Variants in DMRT1 observed in about 807,000 individuals in gnomAD.
DMRT1 encodes the protein doublesex and mab-3 related transcription factor 1.
In DMRT1, 7 loss-of-function variants were observed where a neutral mutation model predicts 32.3. That is an observed-to-expected ratio of 0.22 (90% CI 0.12 to 0.41). The LOEUF (loss-of-function observed/expected upper bound fraction) is 0.41, where lower values mean the gene tolerates loss of function less well. DMRT1 is among the 10% of genes least tolerant of loss of function. The probability of loss-of-function intolerance (pLI) is 1.00; values close to 1 mark genes in which losing one functional copy is unlikely to be tolerated. For missense variants in DMRT1, 625 were observed against 500.5 expected, an observed-to-expected ratio of 1.25 and a Z score of -2.37; for synonymous variants, 278 against 206.1, an observed-to-expected ratio of 1.35 and a Z score of -2.99.
intron 2 of DMRT1, among the ~76,000 whole-genome samples, chr9:862,027 C>T (rs1288003117): frequency 6.6e-6 from 1 of 150,660 alleles, no homozygotes; most frequent in Non-Finnish European, 1.5e-5. Context: ...ACTGGGCGGC[C>T]GGGCGGAGGG....
chr9:951,662 C>A (rs1014829212), intron 4 of DMRT1, among the ~76,000 whole-genome samples: 2 of 152,138 alleles, frequency 1.3e-5, no homozygotes, highest in South Asian at 4.1e-4. Context: ...GAGCTCCAAG[C>A]AATATACTTA....
In DMRT1 at chr9:894,140, G is replaced by A. The variant is rs780209932; in HGVS notation, c.767G>A (p.Ser256Asn). 6 of 1,614,178 alleles carry A rather than the reference G, an allele frequency of 3.7e-6. No individual in the cohort carries two copies. In the East Asian group the frequency reaches 1.3e-4, roughly 36 times the overall value. Residue 256 changes from serine (S) to asparagine (N), a missense_variant, in exon 3 of 5, where the codon AGC becomes AAC. By Grantham distance (46) the Ser-to-Asn change is conservative. This residue lies in a region of DMRT1 where 416 missense variants were observed against 321.6 expected (regional missense o/e 1.29). Transcript: ENST00000382276. ...NPLGGSPVKN[S>N]LRGLPGPYVP... ...CTCGGGGGATCCCCTGTGAAGAACA[G>A]CCTTCGGGGCCTCCCCGGACCTTAT...
At chr9:937,175 C>G (rs1414231792) in intron 4 of DMRT1, among the ~76,000 whole-genome samples, 1 of 152,188 alleles carries the variant, frequency 6.6e-6, no homozygotes, top group Non-Finnish European at 1.5e-5. Flanking sequence ...ATGTGTCAGA[C>G]CCTCATTCCT....
At chr9:861,874 C>G (rs1396269357) in intron 2 of DMRT1, among the ~76,000 whole-genome samples, 1 of 149,884 alleles carries the variant, frequency 6.7e-6, no homozygotes, top group African/African-American at 2.5e-5. Context: ...GGGTCGCGGC[C>G]GGGCAGAGGC....
rs544861795 is a variant in DMRT1, at chr9:946,009, A to G, written c.968-21976A>G. Among the ~76,000 whole-genome samples, 108 of 152,244 alleles carry G rather than the reference A, an allele frequency of 7.1e-4. No individual in the cohort carries two copies. In the South Asian group the frequency reaches 0.021, roughly 30 times the overall value. ...CAATGCTTGGTCTTAGAGATCTTAC[A>G]TGTTTAGTACATGTAGGTCTACTTT... On this transcript the variant is annotated intron_variant, in intron 4 of 4. Transcript: ENST00000382276.
chr9:919,160 T>C (rs1463416798), intron 4 of DMRT1, among the ~76,000 whole-genome samples: 1 of 152,170 alleles, frequency 6.6e-6, no homozygotes, highest in African/African-American at 2.4e-5. Flanking sequence ...CTTTGGTTGA[T>C]TGTGTTAATA....
intron 2 of DMRT1, among the ~76,000 whole-genome samples, chr9:862,250 G>C (rs927457173): frequency 6.6e-6 from 1 of 152,080 alleles, no homozygotes; most frequent in African/African-American, 2.4e-5. Context: ...CTGCACTCCC[G>C]GCACCTCGGG....
intron 2 of DMRT1, among the ~76,000 whole-genome samples, chr9:856,468 T>G (rs900675118): frequency 1.3e-5 from 2 of 152,222 alleles, no homozygotes; most frequent in Non-Finnish European, 2.9e-5. Context: ...CTGGAAATTT[T>G]ATATAACTGG....
intron 3 of DMRT1, among the ~76,000 whole-genome samples, chr9:908,348 C>T (rs1323912862): frequency 1.3e-5 from 2 of 152,092 alleles, no homozygotes; most frequent in African/African-American, 2.4e-5. Context: ...GTTCTAGCTA[C>T]TCAGGAGCCT....
Position 847,079 on chromosome 9 carries a change from C to T in DMRT1, c.474C>T (p.Leu158=). 1.9e-6 allele frequency: 3 copies of T among 1,613,976 alleles called. No individual in the cohort carries two copies. The highest frequency in any genetic ancestry group is 2.5e-6 in the Non-Finnish European group (3 of 1,180,052). ...KRENNGSNPC[L]MTECSGTSQP... ...AGAACAATGGCAGTAACCCGTGCCT[C>T]ATGACTGAGTGCAGTGGCACCTCTC... The change falls in exon 2 of 5, where the codon CTC becomes CTT. Residue 158 remains leucine (L), a synonymous_variant. Transcript: ENST00000382276.
At position 851,229 on chromosome 9, in the gene DMRT1, T is replaced by G. The variant is rs574799334; in HGVS notation, c.538+4086T>G. On this transcript the variant is annotated intron_variant, in intron 2 of 4. Coordinates refer to ENST00000382276, the MANE Select transcript of DMRT1 (RefSeq NM_021951.3). Reference sequence around the variant, plus strand: ...AGGTCAGTAGCTTAGTGAAATTTAGTCAACTTTTATTTATTTATTTATTTT... The same window carrying G: ...AGGTCAGTAGCTTAGTGAAATTTAGGCAACTTTTATTTATTTATTTATTTT... Among the ~76,000 whole-genome samples the G allele has an allele frequency of 3.3e-5, 5 of 152,076 alleles. No homozygotes were observed. The East Asian group carries it at 9.7e-4, about 29-fold the overall frequency.
chr9:844,167 T>G (rs1838806008), intron 1 of DMRT1, among the ~76,000 whole-genome samples: 1 of 152,170 alleles, frequency 6.6e-6, no homozygotes, highest in African/African-American at 2.4e-5. Context: ...CTTACACCGT[T>G]AAAAACAAAA....
chr9:943,626 G>A (rs1265486982), intron 4 of DMRT1, among the ~76,000 whole-genome samples: 3 of 152,176 alleles, frequency 2.0e-5, no homozygotes, highest in African/African-American at 4.8e-5. Flanking sequence ...AAGGTCATGG[G>A]GATGGTGGGG....
intron 4 of DMRT1, among the ~76,000 whole-genome samples, chr9:943,238 C>T (rs1819134969): frequency 6.6e-6 from 1 of 152,220 alleles, no homozygotes; most frequent in East Asian, 1.9e-4. Context: ...AATCATTCAT[C>T]TGAGGATAAA....
chr9:870,494 C>T (rs985867243), intron 2 of DMRT1, among the ~76,000 whole-genome samples: 6 of 152,056 alleles, frequency 3.9e-5, no homozygotes, highest in African/African-American at 7.2e-5. Context: ...TGACAGCATC[C>T]GTCATAATTT....
intron 4 of DMRT1, among the ~76,000 whole-genome samples, chr9:946,280 T>C (rs1270929830): frequency 6.6e-6 from 1 of 152,154 alleles, no homozygotes; most frequent in Non-Finnish European, 1.5e-5. Flanking sequence ...CTGGTTACAA[T>C]CCTAGCAGCA....
intron 2 of DMRT1, among the ~76,000 whole-genome samples, chr9:867,862 T>C (rs1816060942): frequency 6.6e-6 from 1 of 152,250 alleles, no homozygotes; most frequent in Non-Finnish European, 1.5e-5. Context: ...ATTTTCTCTG[T>C]AAGTGCTGTG....
rs781655856 is a variant in DMRT1, at chr9:842,200, C to T, written c.354+8C>T. On this transcript the variant is annotated splice_region_variant and intron_variant, in intron 1 of 4. Transcript: ENST00000382276. ...CGCGTGATGGCCGCGCAGGTGGGTG[C>T]GGGCGTGCGGGAGCCCGGGTTCAGC... 4 of 1,396,882 alleles carry T rather than the reference C, an allele frequency of 2.9e-6. No homozygotes were observed. Among genetic ancestry groups the T allele is most frequent in the South Asian group, 1.2e-5 (1 of 81,466 alleles). 86.5% of individuals were successfully genotyped at this position (1,396,882 alleles called of 1,614,324 possible).
rs569561209 is a variant in DMRT1, at chr9:920,278, G to C, written c.967+3371G>C. Among the ~76,000 whole-genome samples, 5 of 152,278 alleles carry C rather than the reference G, an allele frequency of 3.3e-5. No homozygotes were observed. The East Asian group carries it at 9.7e-4, about 29-fold the overall frequency. On this transcript the variant is annotated intron_variant, in intron 4 of 4. Coordinates refer to ENST00000382276, the MANE Select transcript of DMRT1 (RefSeq NM_021951.3). Reference sequence around the variant, plus strand: ...ATAAAGGACCAGGGACTGAGCCTGCGTGTCTCCAGTGTTTATGGCCCTGTA... The same window carrying C: ...ATAAAGGACCAGGGACTGAGCCTGCCTGTCTCCAGTGTTTATGGCCCTGTA...
Sources: gnomAD v4.1 joint callset for allele counts (sites outside exome capture counted in the v4.1 genomes callset) on GRCh38, gnomAD v4.1.1 for gene constraint, gnomAD v4.1.1 regional missense constraint, MANE v1.5 for transcripts, NCBI Gene and HGNC (gene_info 2026-07-23, HGNC 2026-07-21) for gene names.